HECTD4: variants seen among roughly 807,000 people sequenced by gnomAD.
HECTD4 encodes the protein probable E3 ubiquitin-protein ligase HECTD4.
In HECTD4, 114 loss-of-function variants were observed where a neutral mutation model predicts 471.5. The ratio of observed to expected loss-of-function variants is 0.24; its 90% CI spans 0.21 to 0.28. The LOEUF (loss-of-function observed/expected upper bound fraction) is 0.28. HECTD4 is among the 10% of genes least tolerant of loss of function. The probability of loss-of-function intolerance (pLI) is 1.00; values close to 1 mark genes in which losing one functional copy is unlikely to be tolerated. For missense variants in HECTD4, 3,866 were observed against 5,651.5 expected (o/e 0.68, Z 10.13); for synonymous variants, 2,012 against 2,256.0 (o/e 0.89, Z 3.07).
At position 112,163,037 on chromosome 12, in the gene HECTD4, G is replaced by A. The variant is rs575248985; in HGVS notation, c.13120+5C>T. Reference sequence around the variant, plus strand: ...ACTTGGGACATGGCCAGGGGAGGGCGGTACCTGCTGTGCCATCTGGGGGGG... The same window carrying A: ...ACTTGGGACATGGCCAGGGGAGGGCAGTACCTGCTGTGCCATCTGGGGGGG... On this transcript the variant is annotated splice_donor_5th_base_variant and intron_variant, in intron 75 of 75. Coordinates refer to ENST00000682272, the MANE Select transcript of HECTD4 (RefSeq NM_001388303.1). This position sits in a 1 kb window ranked among gnomAD's most constrained non-coding sequence, Gnocchi z 8.2. 8.8e-5 allele frequency: 141 copies of A among 1,597,204 alleles called. No individual in the cohort carries two copies. The East Asian group carries it at 9.4e-4, about 11-fold the overall frequency.
At position 112,261,320 on chromosome 12, in the gene HECTD4, G is replaced by T; in HGVS notation, c.2858C>A (p.Ala953Glu). 1 of 1,604,426 alleles carries T rather than the reference G, an allele frequency of 6.2e-7. No individual in the cohort carries two copies. The highest frequency in any genetic ancestry group is 8.5e-7 in the Non-Finnish European group (1 of 1,172,028). Reference sequence around the variant, plus strand: ...CATTCCTCACCTCTGCTCACGGTCTGCTATGTCACTATTTATGAGGGCAGT... The same window carrying T: ...CATTCCTCACCTCTGCTCACGGTCTTCTATGTCACTATTTATGAGGGCAGT... Reference protein sequence around the residue: ...VTTALINSDIADREQRLKGLE... With the variant: ...VTTALINSDIEDREQRLKGLE... Residue 953 changes from alanine (A) to glutamate (E), a missense_variant, in exon 18 of 76, where the codon GCA becomes GAA. By Grantham distance (107) the Ala-to-Glu change is moderately radical. Transcript: ENST00000682272.
At chr12:112,365,805 TG>T (rs2036546559) in intron 1 of HECTD4, among the ~76,000 whole-genome samples, 1 of 144,664 alleles carries the variant, frequency 6.9e-6, no homozygotes, top group African/African-American at 2.6e-5. Context: ...AGGGTCTCCC[TG>T]TGTTGCCCAG....
chr12:112,349,071 A>T (rs1395262579), intron 1 of HECTD4, among the ~76,000 whole-genome samples: 2 of 152,240 alleles, frequency 1.3e-5, no homozygotes, highest in African/African-American at 4.8e-5. Context: ...AAACAAAAAT[A>T]AAATATTTTT....
chr12:112,202,353 G>A (rs1229927869), intron 54 of HECTD4, among the ~76,000 whole-genome samples: 1 of 151,834 alleles, frequency 6.6e-6, no homozygotes, highest in Non-Finnish European at 1.5e-5. Flanking sequence ...CTACAGGTTC[G>A]TGCCACCATG....
At chr12:112,256,178 C>T (rs1042341289) in intron 21 of HECTD4, 142 bp downstream of exon 21, 2 of 549,454 alleles carry the variant, frequency 3.6e-6, no homozygotes, top group Non-Finnish European at 6.0e-6. Context: ...AAGATAAGAA[C>T]TTTATCTTAG....
intron 60 of HECTD4, among the ~76,000 whole-genome samples, chr12:112,185,917 C>G (rs945964055): frequency 2.0e-5 from 3 of 152,226 alleles, no homozygotes; most frequent in African/African-American, 7.2e-5. Context: ...AACACTGTTC[C>G]TTTTAAACTC....
At chr12:112,326,028 A>G (rs2035736717) in intron 1 of HECTD4, among the ~76,000 whole-genome samples, 4 of 152,128 alleles carry the variant, frequency 2.6e-5, no homozygotes, top group African/African-American at 9.7e-5. Flanking sequence ...GGCTCAAGCA[A>G]TCCTCCTGCC....
chr12:112,186,711 A>T (rs1415109734), intron 60 of HECTD4, among the ~76,000 whole-genome samples: 4 of 148,206 alleles, frequency 2.7e-5, no homozygotes, highest in Non-Finnish European at 5.9e-5. Flanking sequence ...CTTATCACCC[A>T]GGCTGGAGTG....
intron 7 of HECTD4, among the ~76,000 whole-genome samples, chr12:112,284,542 G>T (rs2034709983): frequency 6.6e-6 from 1 of 152,162 alleles, no homozygotes; most frequent in South Asian, 2.1e-4. Context: ...TGTACGTAGT[G>T]GGGGAGTCTT....
intron 18 of HECTD4, among the ~76,000 whole-genome samples, chr12:112,260,553 C>A (rs1395286193): frequency 6.6e-6 from 1 of 151,904 alleles, no homozygotes; most frequent in Non-Finnish European, 1.5e-5. Context: ...GTATTCAATG[C>A]ATCTCTAAAA....
At chr12:112,289,864 A>G (rs1173658064) in intron 7 of HECTD4, among the ~76,000 whole-genome samples, 1 of 152,044 alleles carries the variant, frequency 6.6e-6, no homozygotes, top group African/African-American at 2.4e-5. Flanking sequence ...TTTAGTAGAG[A>G]CAGGGTTTCA....
intron 58 of HECTD4, 65 bp downstream of exon 58, chr12:112,192,996 G>A (rs2032133574): frequency 6.3e-7 from 1 of 1,588,592 alleles, no homozygotes; most frequent in Non-Finnish European, 8.6e-7. Context: ...TCCTTGGCCA[G>A]TTTCACCAGA....
intron 7 of HECTD4, among the ~76,000 whole-genome samples, chr12:112,286,853 T>G (rs2034765217): frequency 6.6e-6 from 1 of 152,056 alleles, no homozygotes; most frequent in Non-Finnish European, 1.5e-5. Flanking sequence ...AACTCAACCC[T>G]CTCTCACTAC....
chr12:112,209,571 C>T (rs1349753832), intron 50 of HECTD4, among the ~76,000 whole-genome samples: 1 of 152,182 alleles, frequency 6.6e-6, no homozygotes, highest in African/African-American at 2.4e-5. Flanking sequence ...GGTGATCTGC[C>T]CACCTCGGCC....
At chr12:112,298,360 G>T (rs1332346306) in intron 7 of HECTD4, among the ~76,000 whole-genome samples, 2 of 152,038 alleles carry the variant, frequency 1.3e-5, no homozygotes, top group Admixed American at 6.5e-5. Flanking sequence ...TTATTACACA[G>T]CAGGTAGTGA....
In HECTD4 at chr12:112,169,561, G is replaced by A. The variant is rs763861236; in HGVS notation, c.12150C>T (p.Gly4050=). 19 of 1,613,360 alleles carry A rather than the reference G, an allele frequency of 1.2e-5. No individual in the cohort carries two copies. Among genetic ancestry groups the A allele is most frequent in the Admixed American group, 8.3e-5 (5 of 60,006 alleles). ...TGTTGAAGGCATATGTGGGGTCACC[G>A]CCACTGGCCAGCTTGACGCAGAGCT... The part of the protein sequence containing the change: ...SSQLCVKLAS[G]GDPTYAFNIR... The change falls in exon 70 of 76, where the codon GGC becomes GGT. Residue 4050 remains glycine, a synonymous_variant. Transcript: ENST00000682272.
At chr12:112,363,585 G>A (rs1339028507) in intron 1 of HECTD4, among the ~76,000 whole-genome samples, 1 of 152,154 alleles carries the variant, frequency 6.6e-6, no homozygotes, top group Non-Finnish European at 1.5e-5. Flanking sequence ...GATGATCAAA[G>A]CAACATATTT....
chr12:112,292,103 G>T lies in HECTD4; in HGVS notation c.1336-8801C>A, dbSNP rs148563178. On this transcript the variant is annotated intron_variant, in intron 7 of 75. Coordinates refer to ENST00000682272, the MANE Select transcript of HECTD4 (RefSeq NM_001388303.1). ...ACTTAGAATAAAATCCCAATACCTT[G>T]CAAGGCCCTATAAGATATGGCCCTG... Among the ~76,000 whole-genome samples the T allele has an allele frequency of 2.2e-3, 341 of 151,906 alleles. 1 individual carries two copies. Among genetic ancestry groups the T allele is most frequent in the African/African-American group, 7.5e-3 (311 of 41,400 alleles).
At chr12:112,224,645 G>A (rs1166679174) in intron 44 of HECTD4, among the ~76,000 whole-genome samples, 2 of 152,162 alleles carry the variant, frequency 1.3e-5, no homozygotes, top group Non-Finnish European at 2.9e-5. Context: ...CTCTTTTGTA[G>A]TAATTAACAA....
Sources: allele counts gnomAD v4.1 joint callset (sites outside exome capture counted in the v4.1 genomes callset), GRCh38; gene constraint gnomAD v4.1.1; non-coding constraint Gnocchi (gnomAD v3.1); transcripts MANE v1.5; gene names NCBI Gene and HGNC (gene_info 2026-07-23, HGNC 2026-07-21).